The following CTBP1 variants were observed in gnomAD, a reference collection of about 807,000 sequenced individuals.
CTBP1 encodes C-terminal-binding protein 1.
CTBP1 carries 11 observed loss-of-function variants against 42.1 expected under a neutral mutation model. The observed-to-expected ratio is 0.26, with a 90% CI of 0.16 to 0.43. The LOEUF is 0.43. CTBP1 is among the 20% of genes least tolerant of loss of function. The pLI, the probability that CTBP1 is intolerant of heterozygous loss-of-function variation, is 1.00. For missense variants in CTBP1, 399 were observed against 624.3 expected (o/e 0.64, Z 3.85); for synonymous variants, 324 against 277.1 (o/e 1.17, Z -1.68).
At chr4:1,245,333 A>G in intron 1 of CTBP1, 3 of 985,432 alleles carry the variant, frequency 3.0e-6, no homozygotes, top group Non-Finnish European at 3.6e-6. Context: ...TTGTTCAGCG[A>G]GCACATGCAC....
At chr4:1,230,772 C>T (rs1730883954) in intron 3 of CTBP1, among the ~76,000 whole-genome samples, 1 of 152,258 alleles carries the variant, frequency 6.6e-6, no homozygotes, top group Non-Finnish European at 1.5e-5. Context: ...GACGAATATT[C>T]ATCCGCGCAG....
At chr4:1,231,017 G>A (rs1361642432) in intron 3 of CTBP1, 1 of 152,282 alleles carries the variant, frequency 6.6e-6, no homozygotes, top group Admixed American at 6.5e-5. Flanking sequence ...ACTGAATACA[G>A]GTTTAACAAC....
In CTBP1 at chr4:1,211,880, C is replaced by CA. The variant is rs1337792000; in HGVS notation, c.*359dup. On this transcript the variant is annotated 3_prime_UTR_variant, in exon 10 of 10. Transcript: ENST00000382952. Reference sequence around the variant, plus strand: ...TTCCAACATACAAAAAAAAAAAAAACAAAAAAAAAAACCTCAAATTGACTT... The same window carrying CA: ...TTCCAACATACAAAAAAAAAAAAAACAAAAAAAAAAAACCTCAAATTGACTT... 1,884 of 148,530 alleles carry CA rather than the reference C, an allele frequency of 0.013. 20 individuals carry two copies. Among genetic ancestry groups the CA allele is most frequent in the African/African-American group, 0.03 (1,129 of 37,780 alleles). The allele number at this position is 148,530 out of a possible 1,614,324, so 9.2% of individuals were successfully genotyped here.
intron 3 of CTBP1, among the ~76,000 whole-genome samples, chr4:1,230,011 C>T (rs1275645756): frequency 1.3e-5 from 2 of 152,142 alleles, no homozygotes; most frequent in Non-Finnish European, 2.9e-5. Flanking sequence ...CTACCCGGAC[C>T]ACAGAGGAAC....
intron 6 of CTBP1, 46 bp downstream of exon 6, chr4:1,215,945 T>C: frequency 1.3e-6 from 2 of 1,555,550 alleles, no homozygotes; most frequent in Non-Finnish European, 1.7e-6. Flanking sequence ...CCCCCACCTG[T>C]ACCTGCCCCG....
intron 3 of CTBP1, 46 bp from the exon 4 acceptor site, chr4:1,228,389 T>C: frequency 6.3e-7 from 1 of 1,592,900 alleles, no homozygotes; most frequent in East Asian, 2.3e-5. Context: ...CTGAAGACCC[T>C]CGGGCTTGGC....
chr4:1,228,373 C>T (rs766219263), intron 3 of CTBP1, 30 bp from the exon 4 acceptor site: 236 of 1,604,140 alleles, frequency 1.5e-4, no homozygotes, highest in Non-Finnish European at 1.8e-4. Context: ...AGGCTCAGCC[C>T]GGAACCTGAA....
intron 2 of CTBP1, among the ~76,000 whole-genome samples, chr4:1,239,058 G>A (rs1433005218): frequency 3.3e-5 from 5 of 152,198 alleles, no homozygotes; most frequent in Non-Finnish European, 2.9e-5. Flanking sequence ...AAAAGAAACA[G>A]AACAAAGGAA....
chr4:1,237,022 C>T lies in CTBP1; in HGVS notation c.162+1161G>A, dbSNP rs1465123735. The T allele has an allele frequency of 2.3e-5, 15 of 650,068 alleles. 1 individual carries two copies. The South Asian group carries it at 2.5e-4, about 11-fold the overall frequency. 40.3% of individuals were successfully genotyped at this position (650,068 alleles called of 1,614,324 possible). A position where few individuals can be genotyped will look rare whatever the true frequency, so the allele number is the denominator to read the frequency against. ...CTCCTGATGGGGCACAGGGCAAACCCAGTGTCCACCTCCTGATGGCGCTCA... is the reference window on the plus strand; with the variant it reads ...CTCCTGATGGGGCACAGGGCAAACCTAGTGTCCACCTCCTGATGGCGCTCA... On this transcript the variant is annotated intron_variant, in intron 3 of 9. Transcript: ENST00000382952.
chr4:1,224,627 C>T (rs1388318570), intron 5 of CTBP1, among the ~76,000 whole-genome samples: 3 of 147,502 alleles, frequency 2.0e-5, no homozygotes, highest in Non-Finnish European at 4.5e-5. Flanking sequence ...TGTATGTGTG[C>T]TGTGGTGTTG....
At chr4:1,227,836 G>A (rs761175094) in intron 4 of CTBP1, among the ~76,000 whole-genome samples, 37 of 152,344 alleles carry the variant, frequency 2.4e-4, no homozygotes, top group Non-Finnish European at 4.0e-4. Flanking sequence ...TGCTGTTCCC[G>A]CTGTGTCTCG....
intron 4 of CTBP1, among the ~76,000 whole-genome samples, chr4:1,227,409 G>A (rs1341917902): frequency 6.8e-6 from 1 of 147,036 alleles, no homozygotes; most frequent in Non-Finnish European, 1.5e-5. Flanking sequence ...TGTGTGTTCT[G>A]TGTGCTGAGT....
At chr4:1,217,028 G>A (rs1314623115) in intron 5 of CTBP1, 6 of 152,730 alleles carry the variant, frequency 3.9e-5, no homozygotes, top group African/African-American at 9.6e-5. Flanking sequence ...TTTCAAAGGC[G>A]GCAGCCAGGG....
At chr4:1,231,805 C>T (rs764524650) in intron 3 of CTBP1, among the ~76,000 whole-genome samples, 2 of 152,236 alleles carry the variant, frequency 1.3e-5, no homozygotes, top group South Asian at 2.1e-4. Context: ...AAAGCACCAT[C>T]GAGACCGGCA....
intron 4 of CTBP1, 93 bp from the exon 5 acceptor site, chr4:1,225,659 T>A: frequency 7.5e-7 from 1 of 1,330,958 alleles, no homozygotes; most frequent in Non-Finnish European, 1.0e-6. Flanking sequence ...GTTTGAAGCT[T>A]CCCAAGGAAG....
intron 5 of CTBP1, among the ~76,000 whole-genome samples, chr4:1,219,973 A>C (rs1219975662): frequency 6.6e-6 from 1 of 152,240 alleles, no homozygotes; most frequent in Non-Finnish European, 1.5e-5. Context: ...TCGGGAGGCC[A>C]AGATGGGTGG....
At chr4:1,222,177 T>C (rs909740390) in intron 5 of CTBP1, among the ~76,000 whole-genome samples, 8 of 150,772 alleles carry the variant, frequency 5.3e-5, no homozygotes, top group Non-Finnish European at 1.0e-4. Flanking sequence ...CCACAGAGGG[T>C]GGGATGGGGC....
At chr4:1,216,885 AGC>A in intron 5 of CTBP1, 1 of 154,862 alleles carries the variant, frequency 6.5e-6, no homozygotes, top group Non-Finnish European at 1.4e-5. Flanking sequence ...GCCCACTGTG[AGC>A]CAACAGCATG....
intron 5 of CTBP1, among the ~76,000 whole-genome samples, chr4:1,222,059 A>C (rs1258428978): frequency 6.6e-6 from 1 of 152,160 alleles, no homozygotes; most frequent in Non-Finnish European, 1.5e-5. Context: ...CGCTAAGAAC[A>C]ACCCAGACAG....
Sources: allele counts gnomAD v4.1 joint callset (sites outside exome capture counted in the v4.1 genomes callset), GRCh38; gene constraint gnomAD v4.1.1; transcripts MANE v1.5; gene names NCBI Gene and HGNC (gene_info 2026-07-23, HGNC 2026-07-21).